Variants in SUPV3L1 observed in about 807,000 individuals in gnomAD.
SUPV3L1 encodes ATP-dependent RNA helicase SUPV3L1, mitochondrial.
A neutral mutation model predicts 70.0 loss-of-function variants in SUPV3L1; 35 were observed. That is an observed-to-expected ratio of 0.50 (90% CI 0.38 to 0.66). The LOEUF (loss-of-function observed/expected upper bound fraction) is 0.66, where lower values mean the gene tolerates loss of function less well. Ranked by LOEUF, SUPV3L1 falls within the 30% of genes least tolerant of loss-of-function variation. SUPV3L1 has a pLI of 0.00. For missense variants in SUPV3L1, 777 were observed against 961.5 expected (o/e 0.81, Z 2.54); for synonymous variants, 364 against 341.9 (o/e 1.06, Z -0.71).
intron 10 of SUPV3L1, among the ~76,000 whole-genome samples, chr10:69,199,681 C>T (rs947779398): frequency 6.6e-6 from 1 of 152,042 alleles, no homozygotes; most frequent in Non-Finnish European, 1.5e-5. Flanking sequence ...CTACACTCGG[C>T]CCACACTAGG....
intron 1 of SUPV3L1, chr10:69,182,669 C>T (rs757349264): frequency 5.1e-6 from 5 of 985,232 alleles, no homozygotes; most frequent in East Asian, 2.3e-4. Flanking sequence ...TTTTTCATCT[C>T]CTTTGACTGG....
At chr10:69,200,125 G>A (rs538814055) in intron 10 of SUPV3L1, among the ~76,000 whole-genome samples, 155 bp from the exon 11 acceptor site, 21 of 152,278 alleles carry the variant, frequency 1.4e-4, no homozygotes, top group African/African-American at 4.3e-4. Flanking sequence ...GGGATTATGG[G>A]TGTGAGCCAC....
At chr10:69,203,900 A>G (rs893131627) in intron 13 of SUPV3L1, among the ~76,000 whole-genome samples, 1 of 151,218 alleles carries the variant, frequency 6.6e-6, no homozygotes, top group Admixed American at 6.6e-5. Flanking sequence ...TAATTTTTGC[A>G]TTTTTTGTAG....
intron 12 of SUPV3L1, 46 bp downstream of exon 12, chr10:69,202,565 G>T: frequency 6.5e-7 from 1 of 1,542,366 alleles, no homozygotes. Context: ...ATGTTGATAT[G>T]TCAGGTGATT....
In SUPV3L1 at chr10:69,191,640, T is replaced by A. The variant is rs769238499; in HGVS notation, c.742-15T>A. 6.2e-7 allele frequency: 1 copy of A among 1,608,094 alleles called. No homozygotes were observed. The highest frequency in any genetic ancestry group is 1.1e-5 in the South Asian group (1 of 90,620). On this transcript the variant is annotated splice_polypyrimidine_tract_variant and intron_variant, in intron 5 of 14. Coordinates refer to ENST00000359655, the MANE Select transcript of SUPV3L1 (RefSeq NM_003171.5). ...ATTATTTTCAATAATTCTAGTTTTTTTTCTGTCTTTCTAGGGTGTGCCATG... is the reference window on the plus strand; with the variant it reads ...ATTATTTTCAATAATTCTAGTTTTTATTCTGTCTTTCTAGGGTGTGCCATG...
chr10:69,195,377 G>A (rs956855522), intron 7 of SUPV3L1, 112 bp downstream of exon 7: 1 of 627,404 alleles, frequency 1.6e-6, no homozygotes, highest in Non-Finnish European at 2.4e-6. Context: ...CTTTCTTTTT[G>A]ACACAAAAAA....
intron 12 of SUPV3L1, 57 bp from the exon 13 acceptor site, chr10:69,202,810 A>G: frequency 1.3e-6 from 2 of 1,507,070 alleles, no homozygotes; most frequent in South Asian, 1.2e-5. Context: ...TATGTTATTC[A>G]TTGTTCATTT....
intron 8 of SUPV3L1, 130 bp downstream of exon 8, chr10:69,197,213 G>A (rs1842566823): frequency 9.9e-6 from 7 of 707,934 alleles, no homozygotes; most frequent in Admixed American, 9.9e-5. Context: ...ATTTTCTTGT[G>A]ATCAACTAGA....
At position 69,200,455 on chromosome 10, in the gene SUPV3L1, A is replaced by G; in HGVS notation, c.1474A>G (p.Ser492Gly). The change falls in exon 11 of 15, where the codon AGT becomes GGT. Residue 492 changes from serine to glycine, a missense_variant. By Grantham distance (56) the Ser-to-Gly change is moderately conservative. Transcript: ENST00000359655. ...TACAACAATGAATCATGAAGATCTC[A>G]GTTTATTAAAGGAAATTTTGAAGAG... is the stretch of plus-strand genomic sequence containing the variant. The part of the protein sequence containing the change: ...EVTTMNHEDL[S>G]LLKEILKRPV... The G allele has an allele frequency of 6.2e-7, 1 of 1,613,778 alleles. No homozygotes were observed. Among genetic ancestry groups the G allele is most frequent in the Non-Finnish European group, 8.5e-7 (1 of 1,179,716 alleles).
At chr10:69,200,178 G>A in intron 10 of SUPV3L1, 102 bp from the exon 11 acceptor site, 2 of 904,600 alleles carry the variant, frequency 2.2e-6, no homozygotes, top group Non-Finnish European at 1.7e-6. Context: ...AGTCAAGGTT[G>A]CAAGAGGACC....
chr10:69,207,756 A>G (rs951988725), intron 13 of SUPV3L1, 37 bp from the exon 14 acceptor site: 14 of 1,588,698 alleles, frequency 8.8e-6, no homozygotes, highest in Non-Finnish European at 1.2e-5. Flanking sequence ...GGGAATTCTG[A>G]CACTTCTCTG....
In SUPV3L1 at chr10:69,208,650, A is replaced by G. The variant is rs1564716448; in HGVS notation, c.1976A>G (p.Gln659Arg). 4.3e-6 allele frequency: 7 copies of G among 1,613,908 alleles called. No homozygotes were observed. The highest frequency in any genetic ancestry group is 5.1e-6 in the Non-Finnish European group (6 of 1,179,740). The change falls in exon 15 of 15, where the codon CAG (glutamine) becomes CGG (arginine). Residue 659 changes from glutamine to arginine, a missense_variant. Gln to Arg is a conservative substitution (Grantham distance 43). Transcript: ENST00000359655. ...FPDASLIRDL[Q>R]KELDGIIQDG... ...GATGCCAGCCTTATTCGAGATCTCC[A>G]GAAAGAACTAGATGGTATTATCCAA...
chr10:69,196,048 A>AT (rs1190156489), intron 7 of SUPV3L1, among the ~76,000 whole-genome samples: 7 of 151,988 alleles, frequency 4.6e-5, no homozygotes, highest in Non-Finnish European at 8.8e-5. Flanking sequence ...CACCCAGCTT[A>AT]TTTTTTATCT....
At chr10:69,185,776 A>G (rs1215675816) in intron 1 of SUPV3L1, among the ~76,000 whole-genome samples, 3 of 152,140 alleles carry the variant, frequency 2.0e-5, no homozygotes, top group Admixed American at 6.5e-5. Context: ...CTGGGATTAC[A>G]GGCGTGAGCC....
chr10:69,188,418 C>A (rs1842295550), intron 4 of SUPV3L1, among the ~76,000 whole-genome samples: 1 of 152,180 alleles, frequency 6.6e-6, no homozygotes, highest in African/African-American at 2.4e-5. Flanking sequence ...TCTTTTCTTT[C>A]AAGGATTGCA....
At chr10:69,205,620 G>A (rs1479856495) in intron 13 of SUPV3L1, among the ~76,000 whole-genome samples, 2 of 152,156 alleles carry the variant, frequency 1.3e-5, no homozygotes, top group African/African-American at 2.4e-5. Context: ...TGCAACCTCC[G>A]CCTCCCAGGT....
chr10:69,182,946 C>CT (rs1842106933), intron 1 of SUPV3L1, among the ~76,000 whole-genome samples: 1 of 152,174 alleles, frequency 6.6e-6, no homozygotes, highest in Non-Finnish European at 1.5e-5. Flanking sequence ...TTCTCTCTCT[C>CT]CCCTCACTAA....
At chr10:69,189,465 T>G in intron 5 of SUPV3L1, 30 bp downstream of exon 5, 1 of 1,544,496 alleles carries the variant, frequency 6.5e-7, no homozygotes, top group Non-Finnish European at 8.7e-7. Flanking sequence ...TTTGCTCATT[T>G]TTTTCTTAAT....
intron 4 of SUPV3L1, 66 bp downstream of exon 4, chr10:69,187,822 T>A (rs1228451267): frequency 1.1e-6 from 1 of 917,830 alleles, no homozygotes; most frequent in Non-Finnish European, 1.6e-6. Context: ...GTGGTCATTA[T>A]TTTTTTTTAT....
Sources: gnomAD v4.1 joint callset for allele counts (sites outside exome capture counted in the v4.1 genomes callset) on GRCh38, gnomAD v4.1.1 for gene constraint, MANE v1.5 for transcripts, NCBI Gene and HGNC (gene_info 2026-07-23, HGNC 2026-07-21) for gene names.